The following LMTK2 variants were observed in gnomAD, a reference collection of about 807,000 sequenced individuals.
The protein encoded by LMTK2 is serine/threonine-protein kinase LMTK2.
Under a neutral mutation model 127.5 loss-of-function variants are expected in LMTK2, and 37 were observed. That is an observed-to-expected ratio of 0.29 (90% CI 0.22 to 0.38). The LOEUF (loss-of-function observed/expected upper bound fraction) is 0.38. LMTK2 is among the 10% of genes least tolerant of loss of function. The probability of loss-of-function intolerance (pLI) is 1.00; values close to 1 mark genes in which losing one functional copy is unlikely to be tolerated. For missense variants in LMTK2, 1,694 were observed against 1,920.3 expected (o/e 0.88, Z 2.20); for synonymous variants, 819 against 810.1 (o/e 1.01, Z -0.19).
intron 2 of LMTK2, among the ~76,000 whole-genome samples, chr7:98,140,144 T>TTCCTTTCTG (rs1562902725): frequency 1.6e-5 from 1 of 60,696 alleles, no homozygotes; most frequent in African/African-American, 1.8e-4. Context: ...CTTTCTTTCT[T>TTCCTTTCTG]TTCTTTTCTT....
intron 6 of LMTK2, among the ~76,000 whole-genome samples, chr7:98,165,770 G>T (rs1467777879): frequency 1.3e-5 from 2 of 152,140 alleles, no homozygotes; most frequent in Admixed American, 1.3e-4. Context: ...TTTCTCCTCA[G>T]GCACCGGGCA....
chr7:98,122,280 G>T (rs567108993), intron 1 of LMTK2, among the ~76,000 whole-genome samples: 1 of 151,794 alleles, frequency 6.6e-6, no homozygotes, highest in Non-Finnish European at 1.5e-5. Flanking sequence ...ATTGCATGTC[G>T]TGGGGATTTG....
intron 3 of LMTK2, among the ~76,000 whole-genome samples, chr7:98,149,039 G>A (rs779562912): frequency 2.5e-4 from 38 of 152,314 alleles, no homozygotes; most frequent in Non-Finnish European, 1.5e-4. Flanking sequence ...TGCCCTAGGT[G>A]GCAGTAGCTT....
At chr7:98,166,069 G>A (rs375587538) in intron 6 of LMTK2, among the ~76,000 whole-genome samples, 1 of 152,352 alleles carries the variant, frequency 6.6e-6, no homozygotes, top group East Asian at 1.9e-4. Flanking sequence ...GCTGCAGCCC[G>A]GGCACTACGG....
intron 6 of LMTK2, among the ~76,000 whole-genome samples, chr7:98,166,594 A>G (rs1161575826): frequency 2.0e-5 from 3 of 149,264 alleles, no homozygotes; most frequent in East Asian, 4.0e-4. Flanking sequence ...AAATTTTTAT[A>G]TAGATTTAGT....
At chr7:98,125,302 C>CA (rs553815609) in intron 1 of LMTK2, among the ~76,000 whole-genome samples, 3,111 of 131,380 alleles carry the variant, frequency 0.024, 112 homozygotes, top group Admixed American at 0.096. Context: ...GACTCCGTCT[C>CA]AAAAAAAAAA....
chr7:98,187,809 C>A (rs1315222344), intron 9 of LMTK2, among the ~76,000 whole-genome samples: 1 of 152,062 alleles, frequency 6.6e-6, no homozygotes, highest in Non-Finnish European at 1.5e-5. Flanking sequence ...TTTGCCATGG[C>A]TGGTCTCGAA....
At chr7:98,112,105 TTAACCCAGG>T (rs1796208890) in intron 1 of LMTK2, among the ~76,000 whole-genome samples, 2 of 152,256 alleles carry the variant, frequency 1.3e-5, no homozygotes, top group Admixed American at 1.3e-4. Flanking sequence ...GCATCCCTGA[TTAACCCAGG>T]TTGTAGTAGA....
chr7:98,150,762 A>G (rs905387168), intron 3 of LMTK2, among the ~76,000 whole-genome samples: 3 of 152,248 alleles, frequency 2.0e-5, no homozygotes, highest in African/African-American at 7.2e-5. Flanking sequence ...AAAAAAGAGT[A>G]CATACCATAT....
At chr7:98,118,461 C>T (rs1041304234) in intron 1 of LMTK2, among the ~76,000 whole-genome samples, 2 of 151,988 alleles carry the variant, frequency 1.3e-5, no homozygotes, top group African/African-American at 4.8e-5. Context: ...TTTCTACTGG[C>T]GAGTCTCTTG....
intron 7 of LMTK2, among the ~76,000 whole-genome samples, chr7:98,174,631 C>T (rs949846230): frequency 3.9e-5 from 6 of 152,232 alleles, no homozygotes; most frequent in Non-Finnish European, 8.8e-5. Context: ...CTCGCAGTGA[C>T]TCATGGAGCT....
intron 2 of LMTK2, 149 bp from the exon 3 acceptor site, chr7:98,141,246 CAG>C (rs746132410): frequency 1.6e-5 from 10 of 642,628 alleles, no homozygotes; most frequent in African/African-American, 5.5e-5. Flanking sequence ...TGTTTGGAGT[CAG>C]AGAACAAAAT....
chr7:98,174,705 A>G (rs137875020), intron 7 of LMTK2, among the ~76,000 whole-genome samples: 333 of 152,282 alleles, frequency 2.2e-3, no homozygotes, highest in African/African-American at 5.9e-3. Context: ...AAGAACCTCT[A>G]TAGGATTTGC....
Position 98,159,439 on chromosome 7 carries a change from A to C in LMTK2, c.657+14A>C. Reference sequence around the variant, plus strand: ...TTCTGTGACTTGGTAAGTTCCTTGAAGGAATTCAAGTTCGAGTATTCCAGA... The same window carrying C: ...TTCTGTGACTTGGTAAGTTCCTTGACGGAATTCAAGTTCGAGTATTCCAGA... On this transcript the variant is annotated intron_variant, in intron 6 of 13. Transcript: ENST00000297293. 1 of 1,552,928 alleles carries C rather than the reference A, an allele frequency of 6.4e-7. No individual in the cohort carries two copies. Among genetic ancestry groups the C allele is most frequent in the Non-Finnish European group, 8.9e-7 (1 of 1,125,242 alleles).
chr7:98,168,710 T>C (rs185078511), intron 6 of LMTK2, among the ~76,000 whole-genome samples: 2 of 152,276 alleles, frequency 1.3e-5, no homozygotes, highest in Admixed American at 1.3e-4. Context: ...GCGAGGAACC[T>C]ATTTACAGGT....
At position 98,194,801 on chromosome 7, in the gene LMTK2, G is replaced by A. The variant is rs893132364; in HGVS notation, c.4107+229G>A. On this transcript the variant is annotated intron_variant, in intron 11 of 13. Transcript: ENST00000297293. The surrounding 1 kb of genome is among the most constrained non-coding windows in gnomAD (Gnocchi z 5.4). ...GAAAGAGACCCGAATGCTCTTCCTG[G>A]GTCTTCTAATGGAGTCTTCCTGAAT... Among the ~76,000 whole-genome samples the A allele has an allele frequency of 2.6e-5, 4 of 152,120 alleles. No individual in the cohort carries two copies. The highest frequency in any genetic ancestry group is 9.7e-5 in the African/African-American group (4 of 41,420).
chr7:98,118,511 G>A (rs1796319223), intron 1 of LMTK2, among the ~76,000 whole-genome samples: 1 of 152,170 alleles, frequency 6.6e-6, no homozygotes, highest in Non-Finnish European at 1.5e-5. Context: ...TCTGTTTACT[G>A]AGCTTTGCTT....
chr7:98,154,751 A>AT lies in LMTK2; in HGVS notation c.451-3dup. ...AAATGACACAAAAAACTGTTCTTTG[A>AT]TTTTAGGTTCTCTTGGGAGAGATTT... On this transcript the variant is annotated splice_polypyrimidine_tract_variant and splice_region_variant and intron_variant, in intron 4 of 13. Coordinates refer to ENST00000297293, the MANE Select transcript of LMTK2 (RefSeq NM_014916.4). The AT allele has an allele frequency of 6.3e-7, 1 of 1,585,236 alleles. No individual in the cohort carries two copies. Among genetic ancestry groups the AT allele is most frequent in the Non-Finnish European group, 8.6e-7 (1 of 1,156,520 alleles).
chr7:98,135,947 G>C (rs910707759), intron 1 of LMTK2, among the ~76,000 whole-genome samples: 5 of 151,856 alleles, frequency 3.3e-5, no homozygotes, highest in African/African-American at 1.2e-4. Flanking sequence ...CGCAACAGCA[G>C]GCCTCAGGCT....
Sources: allele counts gnomAD v4.1 joint callset (sites outside exome capture counted in the v4.1 genomes callset), GRCh38; gene constraint gnomAD v4.1.1; non-coding constraint Gnocchi (gnomAD v3.1); transcripts MANE v1.5; gene names NCBI Gene and HGNC (gene_info 2026-07-23, HGNC 2026-07-21).